Variants in MARF1 observed in about 807,000 individuals in gnomAD.
MARF1 encodes meiosis regulator and mRNA stability factor 1.
Under a neutral mutation model 168.2 loss-of-function variants are expected in MARF1, and 24 were observed. That is an observed-to-expected ratio of 0.14 (90% CI 0.10 to 0.20). The LOEUF is 0.20. Among genes scored for constraint, MARF1 ranks in the 10% least tolerant of loss-of-function variants. MARF1 has a pLI of 1.00. For missense variants in MARF1, 1,744 were observed against 2,143.6 expected (o/e 0.81, Z 3.68); for synonymous variants, 868 against 822.4 (o/e 1.06, Z -0.95).
chr16:15,603,454 G>A (rs1165023834), intron 22 of MARF1, among the ~76,000 whole-genome samples: 2 of 152,016 alleles, frequency 1.3e-5, no homozygotes, highest in East Asian at 1.9e-4. Flanking sequence ...GATTATAGAC[G>A]TGTACCACCT....
intron 22 of MARF1, 45 bp downstream of exon 22, chr16:15,604,123 C>G (rs751081670): frequency 1.4e-6 from 2 of 1,412,022 alleles, no homozygotes; most frequent in Non-Finnish European, 1.0e-6. Flanking sequence ...AATGCCCAAT[C>G]GATAGTTTTC....
At position 15,643,046 on chromosome 16, in the gene MARF1, A is replaced by T. The variant is rs949273031; in HGVS notation, c.-87T>A. 1.7e-5 allele frequency: 5 copies of T among 289,418 alleles called. No homozygotes were observed. The highest frequency in any genetic ancestry group is 1.2e-4 in the African/African-American group (5 of 41,942). The allele number at this position is 289,418 out of a possible 1,614,324, so 17.9% of individuals were successfully genotyped here. On this transcript the variant is annotated 5_prime_UTR_variant, in exon 1 of 27. An upstream start codon of the reference 5' UTR is lost. Coordinates refer to ENST00000396368, the MANE Select transcript of MARF1 (RefSeq NM_014647.4). The stretch of plus-strand genomic sequence containing the variant: ...TGCCGCCGGCTCCACCTCCGCTCAC[A>T]TTCCGGCCCCGCCGCCTTCCCCCCG...
At chr16:15,637,280 C>T (rs1279923916) in intron 2 of MARF1, among the ~76,000 whole-genome samples, 1 of 152,200 alleles carries the variant, frequency 6.6e-6, no homozygotes, top group East Asian at 1.9e-4. Context: ...CCTTCACAGG[C>T]TGACTGCAAG....
intron 7 of MARF1, 43 bp from the exon 8 acceptor site, chr16:15,625,843 G>A (rs2034803898): frequency 6.7e-7 from 1 of 1,492,722 alleles, no homozygotes; most frequent in Non-Finnish European, 9.2e-7. Context: ...TAATTCAAGG[G>A]CACACATTCA....
intron 15 of MARF1, 88 bp downstream of exon 15, chr16:15,616,964 T>A (rs760896836): frequency 4.7e-5 from 69 of 1,477,272 alleles, no homozygotes; most frequent in Non-Finnish European, 6.3e-5. Flanking sequence ...GAGTACTTAT[T>A]TGTAAAGAGA....
chr16:15,612,473 TTA>T, intron 17 of MARF1, 82 bp downstream of exon 17: 1 of 1,212,750 alleles, frequency 8.2e-7, no homozygotes, highest in South Asian at 1.2e-5. Flanking sequence ...TTCTTAGGAA[TTA>T]AACTGTTTCT....
intron 2 of MARF1, among the ~76,000 whole-genome samples, chr16:15,637,517 A>G (rs1437319263): frequency 6.6e-6 from 1 of 152,250 alleles, no homozygotes; most frequent in Non-Finnish European, 1.5e-5. Context: ...CCCTCTTGGT[A>G]ATTATAGTTC....
In MARF1 at chr16:15,640,547, T is replaced by C. The variant is rs1245277760; in HGVS notation, c.-58-1256A>G. 2.0e-5 allele frequency among the ~76,000 whole-genome samples: 3 copies of C among 151,788 alleles called. No individual in the cohort carries two copies. In the East Asian group the frequency reaches 5.8e-4, roughly 30 times the overall value. On this transcript the variant is annotated intron_variant, in intron 1 of 26. Transcript: ENST00000396368. ...GGCAAAACCCCATGGCTACAAAAAA[T>C]TAGCTGAGCGTGGTGGTGCATGCCT...
chr16:15,597,042 A>G, intron 26 of MARF1, 105 bp from the exon 27 acceptor site: 2 of 1,299,614 alleles, frequency 1.5e-6, no homozygotes, highest in East Asian at 2.4e-5. Flanking sequence ...TAGTAATAAA[A>G]AGCTTCTAAA....
At chr16:15,610,329 G>A (rs566440405) in intron 19 of MARF1, 1 of 153,422 alleles carries the variant, frequency 6.5e-6, no homozygotes, top group Non-Finnish European at 1.4e-5. Flanking sequence ...GATAATAGAA[G>A]GAGGATACGA....
At chr16:15,628,650 T>C (rs1280469075) in intron 7 of MARF1, among the ~76,000 whole-genome samples, 1 of 152,026 alleles carries the variant, frequency 6.6e-6, no homozygotes, top group African/African-American at 2.4e-5. Flanking sequence ...CTTAGGTGAT[T>C]GGTGATCTGC....
chr16:15,612,391 G>A (rs977877774), intron 17 of MARF1, among the ~76,000 whole-genome samples, 166 bp downstream of exon 17: 1 of 152,228 alleles, frequency 6.6e-6, no homozygotes, highest in African/African-American at 2.4e-5. Flanking sequence ...CTGAAAAATT[G>A]AGAAGCCGCC....
Position 15,640,907 on chromosome 16 carries a change from T to C in MARF1, c.-58-1616A>G, listed in dbSNP as rs142205422. ...GGCTCTTTTGTCAGCCTGGGCAATA[T>C]AGCAAGATCACAGCTCTAAAATAAA... is the stretch of plus-strand genomic sequence containing the variant. On this transcript the variant is annotated intron_variant, in intron 1 of 26. Transcript: ENST00000396368. 9.4e-3 allele frequency among the ~76,000 whole-genome samples: 1,428 copies of C among 152,272 alleles called. 18 individuals are homozygous for C. The highest frequency in any genetic ancestry group is 0.031 in the African/African-American group (1,285 of 41,558).
Position 15,636,161 on chromosome 16 carries a change from G to A in MARF1, c.326C>T (p.Pro109Leu). 6.2e-7 allele frequency: 1 copy of A among 1,614,214 alleles called. No individual in the cohort carries two copies. Among genetic ancestry groups the A allele is most frequent in the African/African-American group, 1.3e-5 (1 of 75,054 alleles). ...VSCCAHCPNE[P>L]STSPMRFGGG... ...ACCAAAACGCATTGGCGAAGTGGAG[G>A]GTTCATTAGGGCAATGAGCACAGCA... is the stretch of plus-strand genomic sequence containing the variant. Residue 109 changes from proline to leucine, a missense_variant, in exon 3 of 27, where the codon CCC becomes CTC. By Grantham distance (98) the Pro-to-Leu change is moderately conservative (BLOSUM62 -3). Transcript: ENST00000396368.
chr16:15,603,342 A>G (rs1301851403), intron 22 of MARF1, among the ~76,000 whole-genome samples: 1 of 152,150 alleles, frequency 6.6e-6, no homozygotes, highest in Non-Finnish European at 1.5e-5. Flanking sequence ...AGCCTAGAAC[A>G]GTATTTTTTT....
intron 13 of MARF1, among the ~76,000 whole-genome samples, chr16:15,618,764 C>T (rs2034247144): frequency 6.6e-6 from 1 of 152,152 alleles, no homozygotes; most frequent in Non-Finnish European, 1.5e-5. Flanking sequence ...CAAAGAAGTC[C>T]CTCAATGTGC....
chr16:15,598,754 G>T, intron 26 of MARF1, 100 bp downstream of exon 26: 3 of 1,165,200 alleles, frequency 2.6e-6, no homozygotes, highest in South Asian at 1.3e-5. Context: ...CTGAAAAGGG[G>T]TAGTCCCTTC....
In MARF1 at chr16:15,602,488, C is replaced by T. The variant is rs557398531; in HGVS notation, c.4414-285G>A. On this transcript the variant is annotated intron_variant, in intron 22 of 26. Coordinates refer to ENST00000396368, the MANE Select transcript of MARF1 (RefSeq NM_014647.4). Reference sequence around the variant, plus strand: ...AAGATGAAGACAAAGAACAAGAAGACGAAGACAAGACGAAGACGACGATGA... The same window carrying T: ...AAGATGAAGACAAAGAACAAGAAGATGAAGACAAGACGAAGACGACGATGA... 1.9e-4 allele frequency: 105 copies of T among 556,828 alleles called. 2 individuals carry two copies. The highest frequency in any genetic ancestry group is 1.6e-3 in the South Asian group (90 of 56,850). 34.5% of individuals were successfully genotyped at this position (556,828 alleles called of 1,614,324 possible).
chr16:15,640,323 T>A (rs2035865277), intron 1 of MARF1, among the ~76,000 whole-genome samples: 1 of 152,218 alleles, frequency 6.6e-6, no homozygotes, highest in African/African-American at 2.4e-5. Flanking sequence ...CAATCTGATA[T>A]ACCACCAAAA....
Sources: gnomAD v4.1 joint callset for allele counts (sites outside exome capture counted in the v4.1 genomes callset) on GRCh38, gnomAD v4.1.1 for gene constraint, MANE v1.5 for transcripts, NCBI Gene and HGNC (gene_info 2026-07-23, HGNC 2026-07-21) for gene names.